Variants in LRRC4C observed in about 807,000 individuals in gnomAD.
The protein encoded by LRRC4C is leucine-rich repeat-containing protein 4C.
A neutral mutation model predicts 33.6 loss-of-function variants in LRRC4C; 5 were observed. The ratio of observed to expected loss-of-function variants is 0.15; its 90% CI spans 0.08 to 0.31. The LOEUF is 0.31. Ranked by LOEUF, LRRC4C falls within the 10% of genes least tolerant of loss-of-function variation. LRRC4C has a pLI of 1.00. For missense variants in LRRC4C, 560 were observed against 796.7 expected (o/e 0.70, Z 3.58); for synonymous variants, 329 against 302.0 (o/e 1.09, Z -0.93).
At chr11:40,964,217 G>A (rs1851171392) in intron 1 of LRRC4C, among the ~76,000 whole-genome samples, 1 of 151,616 alleles carries the variant, frequency 6.6e-6, no homozygotes, top group African/African-American at 2.4e-5. Context: ...GACACCTTAT[G>A]TGTTAGATAT....
chr11:41,259,872 TGTTA>T (rs1273203711), intron 1 of LRRC4C, among the ~76,000 whole-genome samples: 3 of 150,896 alleles, frequency 2.0e-5, no homozygotes, highest in Admixed American at 6.6e-5. Flanking sequence ...TTTAAAAGAC[TGTTA>T]GTTAATTATA....
At chr11:41,162,095 T>G (rs1944497738) in intron 1 of LRRC4C, among the ~76,000 whole-genome samples, 1 of 152,160 alleles carries the variant, frequency 6.6e-6, no homozygotes, top group African/African-American at 2.4e-5. Context: ...ATTGCTAAAT[T>G]TGGAAGAAAT....
intron 5 of LRRC4C, among the ~76,000 whole-genome samples, chr11:40,207,963 C>T (rs1259961657): frequency 6.6e-6 from 1 of 152,144 alleles, no homozygotes; most frequent in East Asian, 1.9e-4. Flanking sequence ...GAAGCCCACA[C>T]CACTGCTTCC....
intron 2 of LRRC4C, among the ~76,000 whole-genome samples, chr11:40,761,156 C>T (rs949512873): frequency 3.3e-5 from 5 of 152,040 alleles, no homozygotes; most frequent in East Asian, 3.9e-4. Flanking sequence ...ATATAGTGTT[C>T]GCCGCACCTG....
intron 2 of LRRC4C, among the ~76,000 whole-genome samples, chr11:40,801,351 C>T (rs1226462149): frequency 6.6e-6 from 1 of 152,150 alleles, no homozygotes; most frequent in Non-Finnish European, 1.5e-5. Flanking sequence ...CACCTTTATA[C>T]CACCTTCTAT....
intron 1 of LRRC4C, among the ~76,000 whole-genome samples, chr11:41,045,157 G>A (rs1857685765): frequency 6.6e-6 from 1 of 151,816 alleles, no homozygotes; most frequent in Admixed American, 6.6e-5. Context: ...TTTATGATAA[G>A]GCAAAGAATA....
chr11:41,404,472 G>C (rs1278411998), intron 1 of LRRC4C, among the ~76,000 whole-genome samples: 1 of 116,532 alleles, frequency 8.6e-6, no homozygotes, highest in Admixed American at 8.2e-5. Context: ...AGGGCTATGT[G>C]TGTGTGTGTC....
At chr11:41,318,731 T>A (rs1364809537) in intron 1 of LRRC4C, among the ~76,000 whole-genome samples, 1 of 152,218 alleles carries the variant, frequency 6.6e-6, no homozygotes, top group Non-Finnish European at 1.5e-5. Flanking sequence ...GTGTTTGTGG[T>A]TATATATTTG....
chr11:40,425,403 T>C (rs562306901), intron 3 of LRRC4C, among the ~76,000 whole-genome samples: 1 of 152,322 alleles, frequency 6.6e-6, no homozygotes, highest in African/African-American at 2.4e-5. Flanking sequence ...GTATTTTTGA[T>C]GACTGGAGGA....
intron 3 of LRRC4C, among the ~76,000 whole-genome samples, chr11:40,448,371 A>G (rs984067440): frequency 6.6e-6 from 1 of 152,040 alleles, no homozygotes; most frequent in Non-Finnish European, 1.5e-5. Flanking sequence ...CATCTACATT[A>G]GGTATTTCTC....
chr11:40,652,113 G>A (rs970925131), intron 2 of LRRC4C, among the ~76,000 whole-genome samples: 7 of 152,078 alleles, frequency 4.6e-5, no homozygotes, highest in African/African-American at 7.2e-5. Flanking sequence ...AACATCCACC[G>A]TGCACCTCCT....
chr11:40,597,613 A>G (rs1565543909), intron 3 of LRRC4C, among the ~76,000 whole-genome samples: 1 of 144,482 alleles, frequency 6.9e-6, no homozygotes, highest in Non-Finnish European at 1.5e-5. Context: ...ACAGGAAGGA[A>G]GAAATCCACT....
intron 1 of LRRC4C, among the ~76,000 whole-genome samples, chr11:40,949,783 T>C (rs532047943): frequency 0.014 from 2,091 of 151,280 alleles, 21 homozygotes; most frequent in Middle Eastern, 0.024. Context: ...TAAAGACCAT[T>C]GAGACTAGGA....
chr11:41,458,560 G>T (rs948895260), intron 1 of LRRC4C, among the ~76,000 whole-genome samples: 1 of 124,644 alleles, frequency 8.0e-6, no homozygotes, highest in African/African-American at 3.0e-5. Flanking sequence ...GGAGGGGGGC[G>T]GGTGAAGAAA....
chr11:40,909,662 A>G (rs915236763), intron 2 of LRRC4C, among the ~76,000 whole-genome samples: 1 of 152,144 alleles, frequency 6.6e-6, no homozygotes, highest in Middle Eastern at 3.2e-3. Context: ...TATATTATGT[A>G]ACTATAGCAG....
chr11:41,096,602 T>TA (rs1479219539), intron 1 of LRRC4C, among the ~76,000 whole-genome samples: 5 of 151,690 alleles, frequency 3.3e-5, no homozygotes, highest in African/African-American at 7.3e-5. Context: ...TTTTTAAGAA[T>TA]AAAAAAGGAG....
At chr11:41,104,635 A>G (rs910585519) in intron 1 of LRRC4C, among the ~76,000 whole-genome samples, 27 of 151,898 alleles carry the variant, frequency 1.8e-4, no homozygotes, top group Admixed American at 6.6e-5. Context: ...AGAAATGAAA[A>G]CATGTCCACA....
chr11:40,859,294 T>C (rs1329733174), intron 2 of LRRC4C, among the ~76,000 whole-genome samples: 2 of 152,052 alleles, frequency 1.3e-5, no homozygotes, highest in African/African-American at 2.4e-5. Context: ...CTTTCAGTTT[T>C]CTGAAAAAAG....
At chr11:41,052,404 T>C (rs1858300308) in intron 1 of LRRC4C, among the ~76,000 whole-genome samples, 1 of 151,780 alleles carries the variant, frequency 6.6e-6, no homozygotes, top group Non-Finnish European at 1.5e-5. Flanking sequence ...ATAAGGCAAC[T>C]TGATGGCCAA....
Sources: gnomAD v4.1 joint callset for allele counts (sites outside exome capture counted in the v4.1 genomes callset) on GRCh38, gnomAD v4.1.1 for gene constraint, MANE v1.5 for transcripts, NCBI Gene and HGNC (gene_info 2026-07-23, HGNC 2026-07-21) for gene names.